Variants in WDFY4 observed in about 807,000 individuals in gnomAD.
The protein encoded by WDFY4 is WD repeat- and FYVE domain-containing protein 4.
In WDFY4, 169 loss-of-function variants were observed where a neutral mutation model predicts 351.9. The observed-to-expected ratio is 0.48, with a 90% CI of 0.42 to 0.55. WDFY4 has a LOEUF of 0.55. Among genes scored for constraint, WDFY4 ranks in the 20% least tolerant of loss-of-function variants. WDFY4 has a pLI of 0.00. For missense variants in WDFY4, 3,803 were observed against 3,935.6 expected (o/e 0.97, Z 0.90); for synonymous variants, 1,622 against 1,574.6 (o/e 1.03, Z -0.71).
intron 47 of WDFY4, among the ~76,000 whole-genome samples, chr10:48,902,975 T>C (rs1837433679): frequency 6.6e-6 from 1 of 152,098 alleles, no homozygotes; most frequent in Non-Finnish European, 1.5e-5. Context: ...CCAAGCATGA[T>C]GGCAGGTGCC....
rs1028953288 is a variant in WDFY4, at chr10:48,817,383, G to C, written c.5479G>C (p.Ala1827Pro). Residue 1827 changes from alanine (A) to proline (P), a missense_variant, in exon 32 of 62, where the codon GCC becomes CCC. Transcript: ENST00000325239. ...APEFLQTLAI[A>P]AFPLGAQKGV... ...GGAGTTCCTCCAGACCTTGGCCATA[G>C]CCGCCTTCCCCCTGGGAGCCCAAAA... is the stretch of plus-strand genomic sequence containing the variant. The C allele has an allele frequency of 1.3e-6, 2 of 1,551,216 alleles. No homozygotes were observed. The highest frequency in any genetic ancestry group is 3.9e-5 in the Admixed American group (2 of 51,000).
chr10:48,969,187 G>A lies in WDFY4; in HGVS notation c.8708G>A (p.Arg2903Lys), dbSNP rs1411542717. ...NKVLLPPLWN[R>K]TFSWGFDDFS... ...GTGCTGCTGCCTCCTCTCTGGAACA[G>A]GACCTTCAGCTGGGGCTTTGATGAC... is the stretch of plus-strand genomic sequence containing the variant. The change falls in exon 56 of 62, where the codon AGG becomes AAG. Residue 2903 changes from arginine (R) to lysine (K), a missense_variant. Around this residue, in one of 3 missense-constraint regions of WDFY4, gnomAD observed 3,054 missense variants for 3,148.6 expected, o/e 0.97. Transcript: ENST00000325239. 3.2e-5 allele frequency: 49 copies of A among 1,551,600 alleles called. No individual in the cohort carries two copies. Among genetic ancestry groups the A allele is most frequent in the Non-Finnish European group, 4.0e-5 (46 of 1,146,990 alleles).
chr10:48,946,979 T>C lies in WDFY4; in HGVS notation c.7977+10T>C, dbSNP rs1391622911. The C allele has an allele frequency of 2.0e-6, 3 of 1,515,200 alleles. No individual in the cohort carries two copies. The Admixed American group carries it at 6.0e-5, about 31-fold the overall frequency. 93.9% of individuals were successfully genotyped at this position (1,515,200 alleles called of 1,614,324 possible). A position where few individuals can be genotyped will look rare whatever the true frequency, so the allele number is the denominator to read the frequency against. Reference sequence around the variant, plus strand: ...CTTCTGCGCTCTGCAGGTGAGCTGCTGCCACTCTCTGTACACACACACACA... The same window carrying C: ...CTTCTGCGCTCTGCAGGTGAGCTGCCGCCACTCTCTGTACACACACACACA... On this transcript the variant is annotated intron_variant, in intron 51 of 61. Coordinates refer to ENST00000325239, the MANE Select transcript of WDFY4 (RefSeq NM_001394531.1).
intron 38 of WDFY4, 116 bp from the exon 39 acceptor site, chr10:48,832,457 T>C: frequency 8.0e-7 from 1 of 1,255,494 alleles, no homozygotes; most frequent in Non-Finnish European, 1.1e-6. Context: ...TTTCTCTTTT[T>C]GGAGGCAACC....
At chr10:48,727,431 C>T in intron 6 of WDFY4, 39 bp from the exon 7 acceptor site, 1 of 1,537,554 alleles carries the variant, frequency 6.5e-7, no homozygotes, top group Admixed American at 2.0e-5. Context: ...GCTCTTGCTT[C>T]CAAGCTCAGC....
chr10:48,869,268 C>A (rs755624183), intron 40 of WDFY4, among the ~76,000 whole-genome samples: 2 of 152,182 alleles, frequency 1.3e-5, no homozygotes, highest in African/African-American at 2.4e-5. Context: ...AAATCTGCCA[C>A]GTCCTTTGAG....
intron 12 of WDFY4, among the ~76,000 whole-genome samples, chr10:48,748,466 C>G (rs2940733): frequency 1.3e-5 from 2 of 152,112 alleles, no homozygotes; most frequent in East Asian, 1.9e-4. Context: ...TGTGCACACA[C>G]GTGTGTGTGT....
At position 48,731,232 on chromosome 10, in the gene WDFY4, C is replaced by T. The variant is rs768346274; in HGVS notation, c.1252C>T (p.Arg418Ter). 6 of 1,551,900 alleles carry T rather than the reference C, an allele frequency of 3.9e-6. No individual in the cohort carries two copies. The highest frequency in any genetic ancestry group is 4.4e-6 in the Non-Finnish European group (5 of 1,147,034). ...CAGGACCATGTGGGCCTGGAATGCT[C>T]GAAACTTCTTCCTGCTGGAGTGGAC... is the stretch of plus-strand genomic sequence containing the variant. Reference protein sequence around the residue: ...VIRTMWAWNARNFFLLEWTLQ... With the variant: ...VIRTMWAWNA The change falls in exon 9 of 62, where the codon CGA (arginine) becomes TGA (stop). Residue 418 changes from arginine to a stop codon, truncating the protein, a stop_gained. Coordinates refer to ENST00000325239, the MANE Select transcript of WDFY4 (RefSeq NM_001394531.1). LOFTEE classifies it high-confidence loss of function.
chr10:48,905,275 A>C (rs912714882), intron 47 of WDFY4, among the ~76,000 whole-genome samples: 1 of 152,196 alleles, frequency 6.6e-6, no homozygotes, highest in African/African-American at 2.4e-5. Context: ...CAGAGGGAGG[A>C]ATGCAGAAGA....
chr10:48,970,321 A>T, intron 57 of WDFY4, 32 bp downstream of exon 57: 1 of 1,543,618 alleles, frequency 6.5e-7, no homozygotes, highest in Non-Finnish European at 8.7e-7. Flanking sequence ...TGCGGTCCTC[A>T]GGTGGGGACA....
chr10:48,830,794 C>G lies in WDFY4; in HGVS notation c.6435C>G (p.Leu2145=), dbSNP rs753035938. ...QTLEDAFKID[L]SVKPGEREVK... Reference sequence around the variant, plus strand: ...TGGAGGATGCCTTCAAGATCGATCTCTCTGTGAAACCTGGAGAGAGGGAAG... The same window carrying G: ...TGGAGGATGCCTTCAAGATCGATCTGTCTGTGAAACCTGGAGAGAGGGAAG... Residue 2145 remains leucine (L), a synonymous_variant, in exon 38 of 62, where the codon CTC becomes CTG. Coordinates refer to ENST00000325239, the MANE Select transcript of WDFY4 (RefSeq NM_001394531.1). 7.1e-6 allele frequency: 11 copies of G among 1,551,586 alleles called. No homozygotes were observed. In the African/African-American group the frequency reaches 1.5e-4, roughly 21 times the overall value.
chr10:48,772,780 A>G (rs2065911412), intron 13 of WDFY4, among the ~76,000 whole-genome samples: 1 of 148,034 alleles, frequency 6.8e-6, no homozygotes, highest in Non-Finnish European at 1.5e-5. Flanking sequence ...CCCACCTATG[A>G]GTGAGAATAT....
intron 19 of WDFY4, among the ~76,000 whole-genome samples, chr10:48,784,530 CTTTTTTTTTTTTTTT>C (rs71465479): frequency 2.2e-4 from 6 of 26,874 alleles, no homozygotes; most frequent in African/African-American, 4.5e-4. Flanking sequence ...GCATTGTTTG[CTTTTTTTTTTTTTTT>C]TTTTTTTTTT....
chr10:48,864,400 G>A (rs1357266442), intron 39 of WDFY4, among the ~76,000 whole-genome samples: 1 of 152,120 alleles, frequency 6.6e-6, no homozygotes, highest in African/African-American at 2.4e-5. Flanking sequence ...TAGACAAATT[G>A]TTTTATTTTT....
chr10:48,808,418 T>A (rs774210336), intron 28 of WDFY4, among the ~76,000 whole-genome samples: 30 of 152,332 alleles, frequency 2.0e-4, no homozygotes, highest in Middle Eastern at 3.4e-3. Flanking sequence ...CTACCGTCAA[T>A]TAACTTCTAA....
intron 13 of WDFY4, among the ~76,000 whole-genome samples, chr10:48,770,531 T>A (rs181406754): frequency 6.6e-6 from 1 of 152,316 alleles, no homozygotes; most frequent in Non-Finnish European, 1.5e-5. Flanking sequence ...CATAAAATAA[T>A]CCAAGTTTTG....
At chr10:48,926,358 C>T (rs919866849) in intron 47 of WDFY4, among the ~76,000 whole-genome samples, 1 of 152,212 alleles carries the variant, frequency 6.6e-6, no homozygotes, top group Non-Finnish European at 1.5e-5. Flanking sequence ...ACACTTGCTC[C>T]AGCCCATTTT....
intron 23 of WDFY4, among the ~76,000 whole-genome samples, chr10:48,795,838 C>A (rs1466191900): frequency 6.6e-6 from 1 of 152,070 alleles, no homozygotes; most frequent in Non-Finnish European, 1.5e-5. Context: ...CAAATGTATG[C>A]TGGGACCCAA....
intron 51 of WDFY4, among the ~76,000 whole-genome samples, chr10:48,947,882 G>A (rs544980512): frequency 3.3e-5 from 5 of 152,216 alleles, no homozygotes; most frequent in Non-Finnish European, 5.9e-5. Flanking sequence ...CGGAGAGAAA[G>A]GCATGAGCTG....
Sources: gnomAD v4.1 joint callset for allele counts (sites outside exome capture counted in the v4.1 genomes callset) on GRCh38, gnomAD v4.1.1 for gene constraint, gnomAD v4.1.1 regional missense constraint, MANE v1.5 for transcripts, NCBI Gene and HGNC (gene_info 2026-07-23, HGNC 2026-07-21) for gene names.